Variants in PSD3 observed in about 807,000 individuals in gnomAD.
PSD3 encodes pleckstrin and Sec7 domain containing 3.
Under a neutral mutation model 105.5 loss-of-function variants are expected in PSD3, and 49 were observed. The observed-to-expected ratio is 0.46, with a 90% CI of 0.37 to 0.59. The LOEUF (loss-of-function observed/expected upper bound fraction) is 0.59, where lower values mean the gene tolerates loss of function less well. Ranked by LOEUF, PSD3 falls within the 20% of genes least tolerant of loss-of-function variation. PSD3 has a pLI of 0.00. For synonymous variants in PSD3, 557 were observed against 457.8 expected (o/e 1.22, Z -2.77); for missense variants, 1,561 against 1,263.8 (o/e 1.24, Z -3.57).
At chr8:18,868,875 G>C (rs78049609) in intron 3 of PSD3, among the ~76,000 whole-genome samples, 2,227 of 152,234 alleles carry the variant, frequency 0.015, 65 homozygotes, top group African/African-American at 0.05. Flanking sequence ...CTGAATTTTG[G>C]CTGTCTCAAT....
chr8:18,617,685 G>T (rs568471592), intron 11 of PSD3, among the ~76,000 whole-genome samples: 17 of 152,234 alleles, frequency 1.1e-4, no homozygotes, highest in African/African-American at 3.4e-4. Context: ...ACAGAAAGGG[G>T]GTGTTGGACA....
At chr8:18,553,319 C>T (rs920290432) in intron 15 of PSD3, among the ~76,000 whole-genome samples, 4 of 151,942 alleles carry the variant, frequency 2.6e-5, no homozygotes, top group Non-Finnish European at 4.4e-5. Flanking sequence ...CTGTCACTGC[C>T]CATCTGTGGG....
chr8:18,652,642 T>C (rs1808596351), intron 10 of PSD3, among the ~76,000 whole-genome samples: 1 of 151,650 alleles, frequency 6.6e-6, no homozygotes, highest in African/African-American at 2.4e-5. Flanking sequence ...GGATTACAAG[T>C]GCACGCCACC....
chr8:18,727,707 A>G (rs1358857838), intron 9 of PSD3, among the ~76,000 whole-genome samples: 1 of 151,926 alleles, frequency 6.6e-6, no homozygotes, highest in Non-Finnish European at 1.5e-5. Flanking sequence ...TGGACTTTTT[A>G]CTTTCAGTGT....
intron 2 of PSD3, among the ~76,000 whole-genome samples, chr8:18,882,971 T>C (rs1019692576): frequency 6.6e-6 from 1 of 152,086 alleles, no homozygotes. Context: ...AACATTTCCG[T>C]CATCACAGAA....
At chr8:18,732,094 C>A (rs1803797215) in intron 9 of PSD3, among the ~76,000 whole-genome samples, 1 of 151,936 alleles carries the variant, frequency 6.6e-6, no homozygotes, top group African/African-American at 2.4e-5. Context: ...AGAGAAATGT[C>A]CCCCTAGGAG....
intron 1 of PSD3, among the ~76,000 whole-genome samples, chr8:18,962,137 T>C (rs1026677047): frequency 1.3e-5 from 2 of 151,888 alleles, no homozygotes; most frequent in Non-Finnish European, 2.9e-5. Flanking sequence ...TCCCAGCTAC[T>C]TGGGAGGCTG....
intron 15 of PSD3, among the ~76,000 whole-genome samples, chr8:18,544,621 A>T (rs1800350284): frequency 6.6e-6 from 1 of 152,128 alleles, no homozygotes; most frequent in African/African-American, 2.4e-5. Context: ...TTGCTCTCTA[A>T]ATGAACTCTG....
chr8:18,897,516 C>A (rs1201594504), intron 2 of PSD3, among the ~76,000 whole-genome samples: 23 of 152,090 alleles, frequency 1.5e-4, no homozygotes, highest in Admixed American at 1.5e-3. Context: ...AATTTTAGGA[C>A]TGTTTTTTCT....
In PSD3 at chr8:18,964,591, T is replaced by C. The variant is rs569421270; in HGVS notation, c.22-28449A>G. 8.2e-3 allele frequency among the ~76,000 whole-genome samples: 1,241 copies of C among 152,122 alleles called. 17 individuals carry two copies. The highest frequency in any genetic ancestry group is 0.029 in the African/African-American group (1,191 of 41,464). On this transcript the variant is annotated intron_variant, in intron 1 of 15. Transcript: ENST00000327040. ...CAATGATTATCTCCTTAAAGTGTGG[T>C]CTCATGAACAACCAGCTACTCTTGA...
intron 4 of PSD3, among the ~76,000 whole-genome samples, chr8:18,818,081 G>C (rs534130219): frequency 2.0e-5 from 3 of 152,180 alleles, no homozygotes; most frequent in East Asian, 1.9e-4. Context: ...AGCCTCCCTA[G>C]CAGCTGGGAC....
intron 2 of PSD3, among the ~76,000 whole-genome samples, chr8:18,892,809 G>C (rs1818897120): frequency 6.6e-6 from 1 of 151,560 alleles, no homozygotes; most frequent in Non-Finnish European, 1.5e-5. Context: ...ATTTTTAGTA[G>C]AGACGAGTTT....
At chr8:18,705,771 T>C (rs926354370) in intron 9 of PSD3, among the ~76,000 whole-genome samples, 2 of 151,690 alleles carry the variant, frequency 1.3e-5, no homozygotes, top group African/African-American at 4.8e-5. Context: ...TGGGGAGGAG[T>C]TGAGTATATT....
intron 9 of PSD3, among the ~76,000 whole-genome samples, chr8:18,748,883 G>A (rs1563221217): frequency 6.6e-6 from 1 of 152,158 alleles, no homozygotes; most frequent in Non-Finnish European, 1.5e-5. Flanking sequence ...AATACAAAAG[G>A]AGAGTGGGAG....
At position 18,532,666 on chromosome 8, in the gene PSD3, G is replaced by A. The variant is rs1308684253; in HGVS notation, c.*3077C>T. ...TAGCAAAATGATGTTTCAAAAAAGT[G>A]CACTTCAGAAATGCCTACGGGCTGG... On this transcript the variant is annotated 3_prime_UTR_variant, in exon 16 of 16. Transcript: ENST00000327040. 1.3e-5 allele frequency: 2 copies of A among 152,168 alleles called. No individual in the cohort carries two copies. The highest frequency in any genetic ancestry group is 2.4e-5 in the African/African-American group (1 of 41,426). 9.4% of individuals were successfully genotyped at this position (152,168 alleles called of 1,614,324 possible). A position where few individuals can be genotyped will look rare whatever the true frequency, so the allele number is the denominator to read the frequency against.
chr8:18,591,611 G>A lies in PSD3; in HGVS notation c.2481+8753C>T, dbSNP rs557741959. ...GGAAGCCTGAAGGACACTTAGAACA[G>A]AGTAGAGAGACAGGTGGCTTGCTGT... is the stretch of plus-strand genomic sequence containing the variant. On this transcript the variant is annotated intron_variant, in intron 12 of 15. Coordinates refer to ENST00000327040, the MANE Select transcript of PSD3 (RefSeq NM_015310.4). Among the ~76,000 whole-genome samples the A allele has an allele frequency of 1.2e-3, 188 of 152,290 alleles. 1 individual carries two copies. Among genetic ancestry groups the A allele is most frequent in the Admixed American group, 2.8e-3 (43 of 15,286 alleles).
At chr8:18,947,068 C>G (rs1822910651) in intron 1 of PSD3, among the ~76,000 whole-genome samples, 1 of 152,100 alleles carries the variant, frequency 6.6e-6, no homozygotes. Flanking sequence ...TACAACCAGT[C>G]CCTCGTCCCC....
chr8:18,890,227 C>G (rs1001969498), intron 2 of PSD3, among the ~76,000 whole-genome samples: 3 of 151,974 alleles, frequency 2.0e-5, no homozygotes, highest in African/African-American at 7.3e-5. Context: ...TGAACAAGTT[C>G]CAGTAAACAA....
At chr8:18,751,079 G>A (rs1198620481) in intron 9 of PSD3, among the ~76,000 whole-genome samples, 2 of 152,108 alleles carry the variant, frequency 1.3e-5, no homozygotes, top group Admixed American at 6.5e-5. Context: ...GGACCTGGGC[G>A]CCGTGCAGCA....
Sources: gnomAD v4.1 joint callset for allele counts (sites outside exome capture counted in the v4.1 genomes callset) on GRCh38, gnomAD v4.1.1 for gene constraint, MANE v1.5 for transcripts, NCBI Gene and HGNC (gene_info 2026-07-23, HGNC 2026-07-21) for gene names.